Variants in VIT observed in about 807,000 individuals in gnomAD.
VIT encodes the protein vitrin.
In VIT, 99 loss-of-function variants were observed where a neutral mutation model predicts 78.0. That is an observed-to-expected ratio of 1.27 (90% confidence interval 1.08 to 1.50). The LOEUF (loss-of-function observed/expected upper bound fraction) is 1.50, where lower values mean the gene tolerates loss of function less well. VIT is among the 40% of genes most tolerant of loss of function. The pLI, the probability that VIT is intolerant of heterozygous loss-of-function variation, is 0.00. For synonymous variants in VIT, 374 were observed against 334.3 expected (o/e 1.12, Z -1.29); for missense variants, 1,126 against 875.3 (o/e 1.29, Z -3.61).
chr2:36,774,211 AT>A (rs554903694), intron 8 of VIT, among the ~76,000 whole-genome samples: 2 of 151,988 alleles, frequency 1.3e-5, no homozygotes, highest in South Asian at 2.1e-4. Context: ...AGGAAAGAGG[AT>A]TTTTTTTCTC....
At chr2:36,814,039 C>T (rs1667382844) in intron 15 of VIT, 144 bp from the exon 16 acceptor site, 6 of 885,138 alleles carry the variant, frequency 6.8e-6, no homozygotes, top group South Asian at 1.8e-5. Flanking sequence ...ACCTAGAGGC[C>T]TGTAGCGTAT....
chr2:36,796,269 G>A (rs1326128308), intron 12 of VIT, among the ~76,000 whole-genome samples: 1 of 152,152 alleles, frequency 6.6e-6, no homozygotes, highest in Non-Finnish European at 1.5e-5. Context: ...TTTGTAAGAA[G>A]CATATATTAA....
intron 11 of VIT, among the ~76,000 whole-genome samples, chr2:36,784,436 G>C (rs1308791667): frequency 6.6e-6 from 1 of 152,198 alleles, no homozygotes; most frequent in Non-Finnish European, 1.5e-5. Flanking sequence ...TAGAAACACA[G>C]ACCTGCTGGT....
chr2:36,800,041 C>T (rs1426076372), intron 12 of VIT, among the ~76,000 whole-genome samples: 4 of 130,672 alleles, frequency 3.1e-5, no homozygotes, highest in African/African-American at 1.4e-4. Context: ...AGCGAGACTC[C>T]GTCTCAAAAA....
At chr2:36,746,202 G>C (rs532834547) in intron 4 of VIT, among the ~76,000 whole-genome samples, 1 of 152,256 alleles carries the variant, frequency 6.6e-6, no homozygotes, top group East Asian at 1.9e-4. Flanking sequence ...GCTGGATTTG[G>C]TTTGCTAGCA....
Position 36,754,988 on chromosome 2 carries a change from G to A in VIT, c.343G>A (p.Gly115Arg). ...GGTTGCTGGACAGTCTGGTTACAAA[G>A]GGAGTTATTCCAACGGTGTCCAATC... ...RKVAGQSGYKGSYSNGVQSLS... is the reference protein window; with the variant it reads ...RKVAGQSGYKRSYSNGVQSLS... The change falls in exon 5 of 16, where the codon GGG becomes AGG. Residue 115 changes from glycine to arginine, a missense_variant. Transcript: ENST00000379242. 6.2e-7 allele frequency: 1 copy of A among 1,614,136 alleles called. No individual in the cohort carries two copies. Among genetic ancestry groups the A allele is most frequent in the South Asian group, 1.1e-5 (1 of 91,080 alleles).
chr2:36,768,139 A>T (rs1669545996), intron 7 of VIT, among the ~76,000 whole-genome samples: 1 of 152,178 alleles, frequency 6.6e-6, no homozygotes, highest in Admixed American at 6.5e-5. Context: ...TTATTTAAAA[A>T]ATGCAAATCA....
intron 3 of VIT, among the ~76,000 whole-genome samples, chr2:36,742,857 A>C (rs1045050788): frequency 5.3e-5 from 8 of 152,216 alleles, no homozygotes; most frequent in Non-Finnish European, 8.8e-5. Context: ...TTATTTCAAT[A>C]AGCACAGGAA....
chr2:36,714,987 A>G (rs992441417), intron 1 of VIT, among the ~76,000 whole-genome samples: 1 of 152,180 alleles, frequency 6.6e-6, no homozygotes, highest in Non-Finnish European at 1.5e-5. Context: ...GCACTCTCCA[A>G]CATCTGGGTC....
At chr2:36,789,063 C>T (rs1055699327) in intron 12 of VIT, among the ~76,000 whole-genome samples, 10 of 152,134 alleles carry the variant, frequency 6.6e-5, no homozygotes, top group African/African-American at 9.7e-5. Context: ...GCCTTTTTCA[C>T]GGGGTTCTTA....
At chr2:36,807,702 A>T (rs1666831505) in intron 14 of VIT, among the ~76,000 whole-genome samples, 1 of 152,214 alleles carries the variant, frequency 6.6e-6, no homozygotes, top group Admixed American at 6.5e-5. Flanking sequence ...CGGGAGCGCA[A>T]CAATCAGTTT....
At chr2:36,806,882 T>C (rs1666770882) in intron 14 of VIT, among the ~76,000 whole-genome samples, 1 of 152,120 alleles carries the variant, frequency 6.6e-6, no homozygotes, top group African/African-American at 2.4e-5. Context: ...TCTCTTGAGC[T>C]CTGTAGCCAT....
rs796972289 is a variant in VIT at position 36,750,820 on chromosome 2, CA to C, written c.276-4090del. On this transcript the variant is annotated intron_variant, in intron 4 of 15. Transcript: ENST00000379242. ...TGGGTGACAGAACAAGACTCTGTCTCAAAAAAAAAAAGAAGAAAAAAAAATA... is the reference window on the plus strand; with the variant it reads ...TGGGTGACAGAACAAGACTCTGTCTCAAAAAAAAAAGAAGAAAAAAAAATA... 5.1e-3 allele frequency among the ~76,000 whole-genome samples: 681 copies of C among 134,592 alleles called. 4 individuals are homozygous for C. Among genetic ancestry groups the C allele is most frequent in the African/African-American group, 0.016 (586 of 36,612 alleles). The allele number at this position is 134,592 out of a possible 152,430, so 88.3% of individuals were successfully genotyped here. A position where few individuals can be genotyped will look rare whatever the true frequency, so the allele number is the denominator to read the frequency against.
At chr2:36,805,174 C>T (rs1666615288) in intron 13 of VIT, among the ~76,000 whole-genome samples, 1 of 151,942 alleles carries the variant, frequency 6.6e-6, no homozygotes, top group African/African-American at 2.4e-5. Context: ...TACAGTGGCA[C>T]ACGCCTGTAG....
intron 1 of VIT, among the ~76,000 whole-genome samples, chr2:36,698,238 C>T (rs1011467604): frequency 6.6e-6 from 1 of 152,082 alleles, no homozygotes; most frequent in Non-Finnish European, 1.5e-5. Context: ...AATAAAAATA[C>T]CTTAGGAAGA....
In VIT at chr2:36,783,334, T is replaced by C. The variant is rs1558568747; in HGVS notation, c.848-6T>C. The C allele has an allele frequency of 1.2e-6, 2 of 1,614,142 alleles. No individual in the cohort carries two copies. The highest frequency in any genetic ancestry group is 1.7e-6 in the Non-Finnish European group (2 of 1,180,002). ...AAGTCACCAAAAGTTTTACTGCTCT[T>C]TCCAGGACTTGTTCCAAAAGAAGAA... On this transcript the variant is annotated splice_region_variant and splice_polypyrimidine_tract_variant and intron_variant, in intron 10 of 15. Transcript: ENST00000379242.
intron 9 of VIT, among the ~76,000 whole-genome samples, chr2:36,780,740 G>T (rs1664692697): frequency 6.6e-6 from 1 of 151,846 alleles, no homozygotes; most frequent in Non-Finnish European, 1.5e-5. Context: ...TGGCAGAAAA[G>T]CTGATAGCCT....
intron 12 of VIT, among the ~76,000 whole-genome samples, chr2:36,798,498 TGTAATCCCA>T (rs1304101455): frequency 6.6e-6 from 1 of 152,234 alleles, no homozygotes; most frequent in African/African-American, 2.4e-5. Flanking sequence ...GGCTCATGCC[TGTAATCCCA>T]GCACTTTGGG....
chr2:36,768,983 T>G (rs756274142), intron 7 of VIT, among the ~76,000 whole-genome samples: 5 of 152,240 alleles, frequency 3.3e-5, no homozygotes, highest in Non-Finnish European at 7.3e-5. Flanking sequence ...AAAAAGAATT[T>G]TTGGTGTTCT....
Sources: gnomAD v4.1 joint callset for allele counts (sites outside exome capture counted in the v4.1 genomes callset) on GRCh38, gnomAD v4.1.1 for gene constraint, MANE v1.5 for transcripts, NCBI Gene and HGNC (gene_info 2026-07-23, HGNC 2026-07-21) for gene names.